The following FAM186A variants were observed in gnomAD, a reference collection of about 807,000 sequenced individuals.
The protein encoded by FAM186A is family with sequence similarity 186 member A.
In FAM186A, 163 loss-of-function variants were observed where a neutral mutation model predicts 216.8. The ratio of observed to expected loss-of-function variants is 0.75; its 90% CI spans 0.66 to 0.86. The LOEUF (loss-of-function observed/expected upper bound fraction) is 0.86, where lower values mean the gene tolerates loss of function less well. Ranked by LOEUF, FAM186A falls within the 40% of genes least tolerant of loss-of-function variation. The pLI is 0.00. For synonymous variants in FAM186A, 805 were observed against 1,025.3 expected, an observed-to-expected ratio of 0.79 and a Z score of 4.10; for missense variants, 2,184 against 2,746.2, an observed-to-expected ratio of 0.80 and a Z score of 4.58.
chr12:50,394,492 T>G (rs2136109902), intron 1 of FAM186A, among the ~76,000 whole-genome samples: 1 of 151,922 alleles, frequency 6.6e-6, no homozygotes, highest in South Asian at 2.1e-4. Flanking sequence ...AGATGGAGGT[T>G]GCAGTGAGCC....
chr12:50,360,786 C>T lies in FAM186A; in HGVS notation c.553G>A (p.Asp185Asn), dbSNP rs766660761. The change falls in exon 3 of 8, where the codon GAC (aspartate) becomes AAC (asparagine). Residue 185 changes from aspartate (D) to asparagine (N), a missense_variant. By Grantham distance (23) the Asp-to-Asn change is conservative. Around this residue, in one of 7 missense-constraint regions of FAM186A, gnomAD observed 1,132 missense variants for 1,263.4 expected, o/e 0.90. Coordinates refer to ENST00000327337, the MANE Select transcript of FAM186A (RefSeq NM_001145475.3). ...ILSRFSTSFLDEKKKQKKKIL... is the reference protein window; with the variant it reads ...ILSRFSTSFLNEKKKQKKKIL... ...TTTTTCTTTTGTTTCTTCTTTTCGT[C>T]GAGGAAAGATGTACTAAATCTGCTT... The T allele has an allele frequency of 9.1e-6, 14 of 1,539,720 alleles. 1 individual carries two copies. The highest frequency in any genetic ancestry group is 5.0e-5 in the South Asian group (4 of 80,264).
intron 1 of FAM186A, among the ~76,000 whole-genome samples, chr12:50,377,718 A>G (rs1943211562): frequency 6.6e-6 from 1 of 151,644 alleles, no homozygotes. Context: ...CTATAATCCC[A>G]GCTACTTAGA....
intron 1 of FAM186A, among the ~76,000 whole-genome samples, chr12:50,368,847 A>T (rs779301431): frequency 1.3e-5 from 2 of 152,146 alleles, no homozygotes; most frequent in African/African-American, 4.8e-5. Flanking sequence ...TAGAATAGAG[A>T]GCCCATAAAT....
chr12:50,352,223 G>T lies in FAM186A; in HGVS notation c.4609C>A (p.Gln1537Lys). ...GGGGTGAGAGGGATCCCCAATTCCT[G>T]AGCCTGCGGAGGGATCAGAGGGATC... is the stretch of plus-strand genomic sequence containing the variant. ...LGIPLIPPQA[Q>K]ELGIPLTPQQ... Residue 1537 changes from glutamine to lysine, a missense_variant, in exon 4 of 8, where the codon CAG (glutamine) becomes AAG (lysine). Physicochemically the swap from Gln to Lys is moderately conservative, Grantham distance 53. Transcript: ENST00000327337. 6.6e-7 allele frequency: 1 copy of T among 1,518,596 alleles called. No homozygotes were observed. Among genetic ancestry groups the T allele is most frequent in the Non-Finnish European group, 8.8e-7 (1 of 1,133,904 alleles). The allele number at this position is 1,518,596 out of a possible 1,614,324, so 94.1% of individuals were successfully genotyped here.
chr12:50,364,311 T>C (rs1036539015), intron 1 of FAM186A, among the ~76,000 whole-genome samples: 3 of 151,838 alleles, frequency 2.0e-5, no homozygotes, highest in African/African-American at 7.3e-5. Context: ...TCCCAGCACT[T>C]TGGGAGGCTG....
chr12:50,346,351 C>G (rs1942817528), intron 4 of FAM186A, among the ~76,000 whole-genome samples: 1 of 152,006 alleles, frequency 6.6e-6, no homozygotes, highest in Non-Finnish European at 1.5e-5. Flanking sequence ...CCTGCCTCAG[C>G]CACCCGAGTA....
chr12:50,366,450 C>T (rs75661417), intron 1 of FAM186A, among the ~76,000 whole-genome samples: 1,934 of 152,100 alleles, frequency 0.013, 23 homozygotes, highest in East Asian at 0.068. Context: ...AAACTAAATA[C>T]AAACATGCCT....
intron 1 of FAM186A, among the ~76,000 whole-genome samples, chr12:50,391,278 G>C (rs1397128150): frequency 1.3e-5 from 2 of 151,740 alleles, no homozygotes; most frequent in Non-Finnish European, 2.9e-5. Context: ...ACAAGCATGA[G>C]CCACCATGCC....
intron 1 of FAM186A, among the ~76,000 whole-genome samples, chr12:50,379,573 G>A (rs1222896328): frequency 6.6e-6 from 1 of 151,228 alleles, no homozygotes; most frequent in Non-Finnish European, 1.5e-5. Flanking sequence ...GATCACCTGA[G>A]GTCGGGAGTT....
At chr12:50,365,139 AT>A (rs370878075) in intron 1 of FAM186A, among the ~76,000 whole-genome samples, 16 of 152,270 alleles carry the variant, frequency 1.1e-4, no homozygotes, top group South Asian at 1.0e-3. Flanking sequence ...CAATAAAAAA[AT>A]GTTCTTTAAA....
Position 50,351,427 on chromosome 12 carries a change from A to G in FAM186A, c.5405T>C (p.Leu1802Pro). ...AGAAGTGGATTGACCTCCGTATACC[A>G]GGGTCTGTCCAGAGGAACGAAGAGT... The part of the protein sequence containing the change: ...PQTLRSSGQT[L>P]VYGGQSTSAQ... Residue 1802 changes from leucine (L) to proline (P), a missense_variant, in exon 4 of 8, where the codon CTG becomes CCG. By Grantham distance (98) the Leu-to-Pro change is moderately conservative. Coordinates refer to ENST00000327337, the MANE Select transcript of FAM186A (RefSeq NM_001145475.3). 6.8e-7 allele frequency: 1 copy of G among 1,467,118 alleles called. No individual in the cohort carries two copies. Among genetic ancestry groups the G allele is most frequent in the Non-Finnish European group, 9.0e-7 (1 of 1,110,134 alleles). The allele number at this position is 1,467,118 out of a possible 1,614,324, so 90.9% of individuals were successfully genotyped here. A position where few individuals can be genotyped will look rare whatever the true frequency, so the allele number is the denominator to read the frequency against.
intron 4 of FAM186A, among the ~76,000 whole-genome samples, chr12:50,347,993 C>T (rs1224198397): frequency 6.6e-6 from 1 of 151,292 alleles, no homozygotes; most frequent in Middle Eastern, 3.5e-3. Flanking sequence ...CTGCCTCAGC[C>T]TCCTGAGTAG....
intron 1 of FAM186A, among the ~76,000 whole-genome samples, chr12:50,391,175 G>A (rs1412375607): frequency 4.0e-5 from 6 of 150,836 alleles, no homozygotes; most frequent in African/African-American, 1.5e-4. Context: ...TCTTAGTAGA[G>A]ATGGGGTGTC....
rs533282621 is a variant in FAM186A, at chr12:50,350,552, G to T, written c.6280C>A (p.Pro2094Thr). The T allele has an allele frequency of 8.4e-6, 13 of 1,551,590 alleles. No homozygotes were observed. The East Asian group carries it at 3.2e-4, about 38-fold the overall frequency. Reference protein sequence around the residue: ...DTKKPKVMVPPSSPQELEEKR... With the variant: ...DTKKPKVMVPTSSPQELEEKR... ...TCTTCAAGTTCTTGAGGAGAGGAAG[G>T]GGGCACCATTACTTTGGGTTTCTTG... Residue 2094 changes from proline (P) to threonine (T), a missense_variant, in exon 4 of 8, where the codon CCT becomes ACT. This residue lies in a region of FAM186A where 721 missense variants were observed against 816.4 expected (regional missense o/e 0.88). Coordinates refer to ENST00000327337, the MANE Select transcript of FAM186A (RefSeq NM_001145475.3).
chr12:50,383,278 A>C (rs374263575), intron 1 of FAM186A, among the ~76,000 whole-genome samples: 1 of 49,170 alleles, frequency 2.0e-5, no homozygotes, highest in Non-Finnish European at 4.4e-5. Context: ...AAAAAAAAAA[A>C]AGAGAGAGAG....
intron 1 of FAM186A, among the ~76,000 whole-genome samples, chr12:50,375,509 A>G (rs1262025264): frequency 6.6e-6 from 1 of 150,490 alleles, no homozygotes; most frequent in African/African-American, 2.4e-5. Flanking sequence ...AGATTGCACC[A>G]TTGCACTCCA....
intron 3 of FAM186A, among the ~76,000 whole-genome samples, chr12:50,358,262 A>C (rs2136095558): frequency 6.6e-6 from 1 of 152,248 alleles, no homozygotes; most frequent in South Asian, 2.1e-4. Flanking sequence ...GGGAGAAAAT[A>C]TTTGCAAATC....
intron 2 of FAM186A, among the ~76,000 whole-genome samples, chr12:50,362,649 C>T (rs1029760810): frequency 5.5e-5 from 8 of 145,240 alleles, no homozygotes; most frequent in Non-Finnish European, 1.0e-4. Context: ...GAGGCTGAGG[C>T]AGGAGAATCG....
chr12:50,328,018 C>G (rs1942622136), intron 7 of FAM186A, among the ~76,000 whole-genome samples: 1 of 152,012 alleles, frequency 6.6e-6, no homozygotes, highest in Non-Finnish European at 1.5e-5. Flanking sequence ...AAGGATAGAC[C>G]TGTCTGTATT....
Sources: allele counts gnomAD v4.1 joint callset (sites outside exome capture counted in the v4.1 genomes callset), GRCh38; gene constraint gnomAD v4.1.1; regional missense constraint gnomAD v4.1.1; transcripts MANE v1.5; gene names NCBI Gene and HGNC (gene_info 2026-07-23, HGNC 2026-07-21).